DIXDC1: variants seen among roughly 807,000 people sequenced by gnomAD.
The protein encoded by DIXDC1 is DIX domain containing 1.
Under a neutral mutation model 103.1 loss-of-function variants are expected in DIXDC1, and 64 were observed. The observed-to-expected ratio is 0.62, with a 90% CI of 0.51 to 0.76. DIXDC1 has a LOEUF of 0.76. Among genes scored for constraint, DIXDC1 ranks in the 30% least tolerant of loss-of-function variants. The pLI is 0.00. For synonymous variants in DIXDC1, 266 were observed against 298.5 expected (o/e 0.89, Z 1.12); for missense variants, 759 against 834.2 (o/e 0.91, Z 1.11).
chr11:111,967,432 C>G (rs1480437983), intron 2 of DIXDC1, among the ~76,000 whole-genome samples: 1 of 152,202 alleles, frequency 6.6e-6, no homozygotes, highest in Non-Finnish European at 1.5e-5. Context: ...TATGTGCCAT[C>G]TGCTTTGTAT....
At chr11:111,946,504 G>A (rs1206972453) in intron 1 of DIXDC1, among the ~76,000 whole-genome samples, 2 of 152,158 alleles carry the variant, frequency 1.3e-5, no homozygotes, top group East Asian at 3.9e-4. Flanking sequence ...GATTACAGGT[G>A]TGAGCCACTG....
At chr11:111,969,742 A>G (rs1364698470) in intron 3 of DIXDC1, among the ~76,000 whole-genome samples, 1 of 152,140 alleles carries the variant, frequency 6.6e-6, no homozygotes, top group Non-Finnish European at 1.5e-5. Flanking sequence ...GGATTATTAT[A>G]TTAGTGTTCT....
intron 1 of DIXDC1, among the ~76,000 whole-genome samples, chr11:111,959,855 G>A (rs1266659657): frequency 6.6e-6 from 1 of 152,180 alleles, no homozygotes; most frequent in Admixed American, 6.5e-5. Context: ...CAAGTCAGCA[G>A]TGTGATCTAT....
At chr11:111,974,345 C>G in intron 4 of DIXDC1, 91 bp downstream of exon 4, 3 of 1,244,224 alleles carry the variant, frequency 2.4e-6, no homozygotes, top group Non-Finnish European at 1.1e-6. Context: ...AAACGTCACC[C>G]AAACAGCCCC....
At chr11:111,946,900 G>A in intron 1 of DIXDC1, 1 of 261,294 alleles carries the variant, frequency 3.8e-6, no homozygotes, top group Admixed American at 3.5e-5. Context: ...CATTCTGAGT[G>A]CCTATGGACA....
At chr11:111,990,239 C>T (rs1860659827) in intron 10 of DIXDC1, among the ~76,000 whole-genome samples, 2 of 151,774 alleles carry the variant, frequency 1.3e-5, no homozygotes, top group African/African-American at 2.4e-5. Context: ...TACAGGTGCG[C>T]ACCATCACAC....
At chr11:111,944,678 C>T (rs985539965) in intron 1 of DIXDC1, among the ~76,000 whole-genome samples, 13 of 152,122 alleles carry the variant, frequency 8.5e-5, no homozygotes, top group African/African-American at 3.1e-4. Context: ...TATGGGATTG[C>T]TAAAGCCTCC....
At chr11:111,953,345 A>G (rs1056097327) in intron 1 of DIXDC1, among the ~76,000 whole-genome samples, 2 of 152,094 alleles carry the variant, frequency 1.3e-5, no homozygotes, top group South Asian at 2.1e-4. Flanking sequence ...TAAATAATTA[A>G]AATCAACCAG....
At chr11:111,989,471 A>C (rs887043940) in intron 10 of DIXDC1, among the ~76,000 whole-genome samples, 3 of 151,536 alleles carry the variant, frequency 2.0e-5, no homozygotes, top group Non-Finnish European at 1.5e-5. Flanking sequence ...AAAAATACAA[A>C]AAATTAGTCG....
intron 3 of DIXDC1, 28 bp downstream of exon 3, chr11:111,968,666 A>G (rs1859813627): frequency 1.9e-6 from 3 of 1,596,304 alleles, no homozygotes; most frequent in South Asian, 2.3e-5. Context: ...TCCTTGGTGC[A>G]TGAGTATACT....
At chr11:111,933,159 G>A (rs1336226860), upstream of DIXDC1, among the ~76,000 whole-genome samples, 2 of 152,082 alleles carry the variant, frequency 1.3e-5, no homozygotes, top group Non-Finnish European at 2.9e-5. Context: ...ACGGAGTTAC[G>A]CTCTTGTTGC....
rs1477218571 is a variant in DIXDC1 at position 112,020,132 on chromosome 11, A to T, written c.*1096A>T. ...TGGCAGGGATCATTCTGGGTAAAAA[A>T]AACCTAGAATCATTTCTGATGTGCA... On this transcript the variant is annotated 3_prime_UTR_variant, in exon 20 of 20. Transcript: ENST00000440460. The T allele has an allele frequency of 1.3e-5, 2 of 152,428 alleles. No individual in the cohort carries two copies. Among genetic ancestry groups the T allele is most frequent in the Non-Finnish European group, 2.9e-5 (2 of 68,042 alleles). The allele number at this position is 152,428 out of a possible 1,614,324, so 9.4% of individuals were successfully genotyped here.
At position 112,019,040 on chromosome 11, in the gene DIXDC1, C is replaced by T. The variant is rs1260247548; in HGVS notation, c.*4C>T. 3 of 1,611,658 alleles carry T rather than the reference C, an allele frequency of 1.9e-6. No homozygotes were observed. The highest frequency in any genetic ancestry group is 1.7e-6 in the Non-Finnish European group (2 of 1,178,286). ...AGAAGACCATGGAGAGAATTAATGC[C>T]AAGTATCAGATTGAGGGCTTATGGA... On this transcript the variant is annotated 3_prime_UTR_variant, in exon 20 of 20. Coordinates refer to ENST00000440460, the MANE Select transcript of DIXDC1 (RefSeq NM_001037954.4).
rs1555174668 is a variant in DIXDC1, at chr11:111,992,537, G to C, written c.1218+18G>C. On this transcript the variant is annotated intron_variant, in intron 11 of 19. Transcript: ENST00000440460. ...ACCAGAATGTGAGTTAAATGAATGA[G>C]CCTTGACCTCAGTGAGCCCCATTAG... The C allele has an allele frequency of 6.4e-7, 1 of 1,551,740 alleles. No homozygotes were observed. The highest frequency in any genetic ancestry group is 8.7e-7 in the Non-Finnish European group (1 of 1,145,662).
At chr11:111,991,154 A>G (rs1555174502) in intron 10 of DIXDC1, among the ~76,000 whole-genome samples, 1 of 152,224 alleles carries the variant, frequency 6.6e-6, no homozygotes, top group African/African-American at 2.4e-5. Flanking sequence ...TTTCCAAGGT[A>G]TATTCCGTAG....
chr11:111,970,116 C>T (rs1204524629), intron 3 of DIXDC1, among the ~76,000 whole-genome samples: 1 of 152,154 alleles, frequency 6.6e-6, no homozygotes, highest in African/African-American at 2.4e-5. Context: ...AGTTCAGTGT[C>T]GTGATCTCAC....
intron 2 of DIXDC1, among the ~76,000 whole-genome samples, chr11:111,967,159 A>C (rs587668471): frequency 6.6e-6 from 1 of 152,234 alleles, no homozygotes; most frequent in Non-Finnish European, 1.5e-5. Context: ...ATTTCTTCCC[A>C]AATTTGTATC....
At position 111,964,575 on chromosome 11, in the gene DIXDC1, G is replaced by T; in HGVS notation, c.87G>T (p.Trp29Cys). ...AACAGCTGCAGGCCTATGTGGCCTG[G>T]GTGAATGCACAGCTGAAGAAGAGGC... Reference protein sequence around the residue: ...NEQQLQAYVAWVNAQLKKRPA... With the variant: ...NEQQLQAYVACVNAQLKKRPA... The change falls in exon 2 of 20, where the codon TGG (tryptophan) becomes TGT (cysteine). Residue 29 changes from tryptophan to cysteine, a missense_variant. Around this residue, in one of 3 missense-constraint regions of DIXDC1, gnomAD observed 97 missense variants for 85.4 expected, o/e 1.14. Transcript: ENST00000440460. 6.2e-7 allele frequency: 1 copy of T among 1,607,764 alleles called. No homozygotes were observed. The highest frequency in any genetic ancestry group is 8.5e-7 in the Non-Finnish European group (1 of 1,176,978).
In DIXDC1 at chr11:111,992,509, AC is replaced by A. The variant is rs1467456703; in HGVS notation, c.1209del (p.His403GlnfsTer11). ...GCAAATATGGACAAAGATGAGCTGC[AC>A]AACCAGAATGTGAGTTAAATGAATG... ...LRANMDKDEL[H>X]NQNVDLQRKL... On this transcript the variant is annotated frameshift_variant, in exon 11 of 20. Transcript: ENST00000440460. LOFTEE classifies it high-confidence loss of function. The A allele has an allele frequency of 1.9e-6, 3 of 1,564,884 alleles. No individual in the cohort carries two copies. Among genetic ancestry groups the A allele is most frequent in the Non-Finnish European group, 2.6e-6 (3 of 1,153,974 alleles).
Sources: gnomAD v4.1 joint callset for allele counts (sites outside exome capture counted in the v4.1 genomes callset) on GRCh38, gnomAD v4.1.1 for gene constraint, gnomAD v4.1.1 regional missense constraint, MANE v1.5 for transcripts, NCBI Gene and HGNC (gene_info 2026-07-23, HGNC 2026-07-21) for gene names.